SRGAP1: variants seen among roughly 807,000 people sequenced by gnomAD.
The protein encoded by SRGAP1 is SLIT-ROBO Rho GTPase-activating protein 1.
Under a neutral mutation model 121.9 loss-of-function variants are expected in SRGAP1, and 43 were observed. The ratio of observed to expected loss-of-function variants is 0.35; its 90% CI spans 0.28 to 0.46. SRGAP1 has a LOEUF of 0.46. Ranked by LOEUF, SRGAP1 falls within the 20% of genes least tolerant of loss-of-function variation. The probability of loss-of-function intolerance (pLI) is 1.00; values close to 1 mark genes in which losing one functional copy is unlikely to be tolerated. For missense variants in SRGAP1, 1,102 were observed against 1,350.9 expected, an observed-to-expected ratio of 0.82 and a Z score of 2.89; for synonymous variants, 447 against 485.4, an observed-to-expected ratio of 0.92 and a Z score of 1.04.
chr12:63,991,647 T>C (rs2033559557), intron 3 of SRGAP1, among the ~76,000 whole-genome samples: 1 of 152,204 alleles, frequency 6.6e-6, no homozygotes, highest in Admixed American at 6.5e-5. Flanking sequence ...CAGCAGGTTT[T>C]TCTGAGCATC....
rs1004000022 is a variant in SRGAP1 at position 64,155,986 on chromosome 12, T to C, written c.*13314T>C. ...CACTGTGCTAACTGCTTTCATATTA[T>C]CGGATTTAGTCCTGTAAGACCGGAA... On this transcript the variant is annotated 3_prime_UTR_variant, in exon 22 of 22. Transcript: ENST00000355086. The C allele has an allele frequency of 1.3e-5, 2 of 152,232 alleles. No homozygotes were observed. The highest frequency in any genetic ancestry group is 1.9e-4 in the East Asian group (1 of 5,198). 9.4% of individuals were successfully genotyped at this position (152,232 alleles called of 1,614,324 possible).
intron 3 of SRGAP1, among the ~76,000 whole-genome samples, chr12:63,991,820 T>A (rs1442262758): frequency 4.6e-5 from 7 of 152,178 alleles, no homozygotes; most frequent in African/African-American, 1.7e-4. Flanking sequence ...CTCTACTGAG[T>A]TCATTTATTT....
At chr12:64,063,194 TC>T in intron 7 of SRGAP1, 56 bp downstream of exon 7, 1 of 1,434,940 alleles carries the variant, frequency 7.0e-7, no homozygotes, top group Non-Finnish European at 9.7e-7. Flanking sequence ...ATATTTCTCC[TC>T]ACTTGCTATA....
At chr12:63,940,006 G>C (rs2031807787) in intron 1 of SRGAP1, among the ~76,000 whole-genome samples, 1 of 151,466 alleles carries the variant, frequency 6.6e-6, no homozygotes, top group African/African-American at 2.4e-5. Context: ...CTGTCGCCCA[G>C]GCTGGAATGC....
chr12:63,869,805 A>G (rs992540729), intron 1 of SRGAP1, among the ~76,000 whole-genome samples: 3 of 152,244 alleles, frequency 2.0e-5, no homozygotes, highest in African/African-American at 7.2e-5. Context: ...TCAGCCTAGT[A>G]GATACAATAT....
At chr12:63,867,522 A>ATG (rs1315160289) in intron 1 of SRGAP1, among the ~76,000 whole-genome samples, 2 of 152,220 alleles carry the variant, frequency 1.3e-5, no homozygotes, top group Non-Finnish European at 2.9e-5. Context: ...GATAAAGCCA[A>ATG]TTCAAATTAT....
intron 1 of SRGAP1, among the ~76,000 whole-genome samples, chr12:63,891,329 G>A (rs1900572310): frequency 6.6e-6 from 1 of 152,202 alleles, no homozygotes; most frequent in Non-Finnish European, 1.5e-5. Flanking sequence ...CTGCAAGAGA[G>A]AGACCTACCC....
chr12:64,035,729 C>T (rs2034890398), intron 4 of SRGAP1, among the ~76,000 whole-genome samples: 1 of 152,194 alleles, frequency 6.6e-6, no homozygotes, highest in Non-Finnish European at 1.5e-5. Context: ...GAGGTTTGTG[C>T]TAGCCCAGTT....
At chr12:63,931,988 G>A (rs2031491924) in intron 1 of SRGAP1, among the ~76,000 whole-genome samples, 3 of 152,208 alleles carry the variant, frequency 2.0e-5, no homozygotes, top group African/African-American at 7.2e-5. Flanking sequence ...CATGTTGTCA[G>A]TCCAAAGAGT....
chr12:63,849,242 A>C (rs1185413727), intron 1 of SRGAP1, among the ~76,000 whole-genome samples: 1 of 152,240 alleles, frequency 6.6e-6, no homozygotes, highest in African/African-American at 2.4e-5. Context: ...TAGCAGTGGA[A>C]GGGATTGAAT....
intron 15 of SRGAP1, 65 bp downstream of exon 15, chr12:64,097,440 G>A: frequency 6.4e-7 from 1 of 1,569,332 alleles, no homozygotes; most frequent in Non-Finnish European, 8.7e-7. Context: ...TCCTGGAAAA[G>A]GCAGTGGCCC....
At chr12:63,980,083 C>A (rs1050236776) in intron 1 of SRGAP1, among the ~76,000 whole-genome samples, 3 of 152,088 alleles carry the variant, frequency 2.0e-5, no homozygotes, top group Non-Finnish European at 4.4e-5. Context: ...CAGGGTGTCA[C>A]TCTGTTGTCC....
chr12:64,022,692 A>G (rs2034575655), intron 4 of SRGAP1, among the ~76,000 whole-genome samples: 1 of 152,160 alleles, frequency 6.6e-6, no homozygotes, highest in Non-Finnish European at 1.5e-5. Context: ...TGGTGTGCAC[A>G]ACTCTGCACC....
chr12:63,889,915 AAAAG>A (rs1278195930), intron 1 of SRGAP1, among the ~76,000 whole-genome samples: 2 of 152,152 alleles, frequency 1.3e-5, no homozygotes, highest in South Asian at 4.1e-4. Flanking sequence ...CTCAAAAAAA[AAAAG>A]AAAGAAAAAG....
chr12:63,863,087 A>T (rs569579502), intron 1 of SRGAP1, among the ~76,000 whole-genome samples: 3 of 152,284 alleles, frequency 2.0e-5, no homozygotes, highest in Admixed American at 2.0e-4. Context: ...TATTTACTTC[A>T]TGACAGACAG....
Position 64,150,052 on chromosome 12 carries a change from T to C in SRGAP1, c.*7380T>C, listed in dbSNP as rs1430757840. ...TAGTAAATAGAAAACTTGCCTTCTA[T>C]AATAAAAACAAAATAGTTTTTCTAT... On this transcript the variant is annotated 3_prime_UTR_variant, in exon 22 of 22. Coordinates refer to ENST00000355086, the MANE Select transcript of SRGAP1 (RefSeq NM_020762.4). The C allele has an allele frequency of 3.3e-5, 5 of 151,750 alleles. No homozygotes were observed. The East Asian group carries it at 9.7e-4, about 29-fold the overall frequency. The allele number at this position is 151,750 out of a possible 1,614,324, so 9.4% of individuals were successfully genotyped here.
At chr12:63,913,458 T>TATATATATATATATATATGG (rs1274268284) in intron 1 of SRGAP1, among the ~76,000 whole-genome samples, 1 of 108,508 alleles carries the variant, frequency 9.2e-6, no homozygotes, top group Non-Finnish European at 1.9e-5. Flanking sequence ...TGTCCACATA[T>TATATATATATATATATATGG]ATATATATAT....
chr12:64,094,920 C>A lies in SRGAP1; in HGVS notation c.1540-12C>A. The stretch of plus-strand genomic sequence containing the variant: ...TCCCTTGAGGTTAACTGGTTTCCAT[C>A]CCTTTACCCAGGACTCAGGACAGGT... On this transcript the variant is annotated splice_polypyrimidine_tract_variant and intron_variant, in intron 12 of 21. Transcript: ENST00000355086. 6.2e-7 allele frequency: 1 copy of A among 1,613,692 alleles called. No homozygotes were observed.
intron 8 of SRGAP1, among the ~76,000 whole-genome samples, chr12:64,074,008 T>G (rs1394898100): frequency 6.6e-6 from 1 of 152,228 alleles, no homozygotes; most frequent in Non-Finnish European, 1.5e-5. Flanking sequence ...CACTGATATC[T>G]GAAGAACATT....
Sources: gnomAD v4.1 joint callset for allele counts (sites outside exome capture counted in the v4.1 genomes callset) on GRCh38, gnomAD v4.1.1 for gene constraint, MANE v1.5 for transcripts, NCBI Gene and HGNC (gene_info 2026-07-23, HGNC 2026-07-21) for gene names.